NT5DC3: variants seen among roughly 807,000 people sequenced by gnomAD.
The protein encoded by NT5DC3 is 5'-nucleotidase domain containing 3, also known as 5'-nucleotidase domain-containing protein 3.
In NT5DC3, 42 loss-of-function variants were observed where a neutral mutation model predicts 67.8. The observed-to-expected ratio is 0.62, with a 90% CI of 0.48 to 0.80. NT5DC3 has a LOEUF of 0.80. Ranked by LOEUF, NT5DC3 falls within the 30% of genes least tolerant of loss-of-function variation. NT5DC3 has a pLI of 0.00. For synonymous variants in NT5DC3, 237 were observed against 255.6 expected, an observed-to-expected ratio of 0.93 and a Z score of 0.69; for missense variants, 570 against 696.4, an observed-to-expected ratio of 0.82 and a Z score of 2.04.
At chr12:103,758,247 C>T in the NT5DC3 span, 1 of 1,614,136 alleles carries the variant, frequency 6.2e-7, no homozygotes, top group Non-Finnish European at 8.5e-7. Context: ...CCATCCGCGG[C>T]ACCCTCTTTG....
the NT5DC3 span, among the ~76,000 whole-genome samples, chr12:103,762,837 C>T: frequency 6.6e-6 from 1 of 152,240 alleles, no homozygotes; most frequent in Non-Finnish European, 1.5e-5. Flanking sequence ...ATGCTGCAGC[C>T]AGTGACACTC....
the NT5DC3 span, chr12:103,758,277 G>C: frequency 3.1e-6 from 5 of 1,613,532 alleles, no homozygotes; most frequent in Admixed American, 6.7e-5. Context: ...ACAGTGGGCT[G>C]GGGGAGAATG....
chr12:103,767,355 A>AAAT (rs745917492), downstream of NT5DC3, among the ~76,000 whole-genome samples: 1 of 152,246 alleles, frequency 6.6e-6, no homozygotes, highest in Non-Finnish European at 1.5e-5. Flanking sequence ...GAAATGGCTA[A>AAAT]AATAGGCAAA....
chr12:103,808,361 G>T (rs1334161166), intron 2 of NT5DC3, among the ~76,000 whole-genome samples: 1 of 152,224 alleles, frequency 6.6e-6, no homozygotes, highest in African/African-American at 2.4e-5. Context: ...CCTGAGTCTA[G>T]AGAGGCAACA....
Position 103,817,339 on chromosome 12 carries a change from A to G in NT5DC3, c.209-2218T>C, listed in dbSNP as rs1887306438. ...TTATGACAAAAACACAGACTATCCT[A>G]TTTTGCTAAAATTATATATGACAGT... is the stretch of plus-strand genomic sequence containing the variant. On this transcript the variant is annotated intron_variant, in intron 1 of 13. Coordinates refer to ENST00000392876, the MANE Select transcript of NT5DC3 (RefSeq NM_001031701.3). Among the ~76,000 whole-genome samples the G allele has an allele frequency of 1.3e-5, 2 of 152,192 alleles. 1 individual carries two copies. Among genetic ancestry groups the G allele is most frequent in the African/African-American group, 4.8e-5 (2 of 41,440 alleles).
Position 103,787,423 on chromosome 12 carries a change from GA to G in NT5DC3, c.1188+17del, listed in dbSNP as rs1376057231. 1.1e-5 allele frequency: 16 copies of G among 1,433,922 alleles called. No homozygotes were observed. Among genetic ancestry groups the G allele is most frequent in the South Asian group, 7.3e-5 (5 of 68,370 alleles). The allele number at this position is 1,433,922 out of a possible 1,614,324, so 88.8% of individuals were successfully genotyped here. ...CTAACACATCTGTCCCCCAACAAAG[GA>G]AAAAAGGGCCCCTCACCGCCAGGTC... On this transcript the variant is annotated intron_variant, in intron 11 of 13. Transcript: ENST00000392876.
intron 1 of NT5DC3, among the ~76,000 whole-genome samples, chr12:103,837,165 T>A (rs902542071): frequency 6.6e-6 from 1 of 152,038 alleles, no homozygotes; most frequent in African/African-American, 2.4e-5. Flanking sequence ...AGGCTTGGGG[T>A]TTCCACCCTC....
chr12:103,787,611 ATTG>A (rs143184388), intron 10 of NT5DC3, 84 bp from the exon 11 acceptor site: 67,732 of 682,366 alleles, frequency 0.099, 5,083 homozygotes, highest in East Asian at 0.31. Context: ...ACTTTTAAAA[ATTG>A]TTGTTTTTAT....
intron 9 of NT5DC3, among the ~76,000 whole-genome samples, chr12:103,792,159 C>T (rs939608780): frequency 6.6e-6 from 1 of 152,188 alleles, no homozygotes. Context: ...TGACTCCAGC[C>T]GCCAGTCAGT....
At chr12:103,808,482 G>C (rs1886895932) in intron 2 of NT5DC3, among the ~76,000 whole-genome samples, 2 of 152,226 alleles carry the variant, frequency 1.3e-5, no homozygotes, top group African/African-American at 4.8e-5. Context: ...TTCATAGCCA[G>C]GGTTCCATTT....
At chr12:103,756,996 A>AAAAAAAATATAT in the NT5DC3 span, among the ~76,000 whole-genome samples, 1 of 56,380 alleles carries the variant, frequency 1.8e-5, no homozygotes, top group African/African-American at 1.0e-4. Context: ...AAGGAGGGAA[A>AAAAAAAATATAT]ATATATATAT....
At chr12:103,789,017 C>A (rs566206120) in intron 9 of NT5DC3, 98 bp from the exon 10 acceptor site, 97 of 826,646 alleles carry the variant, frequency 1.2e-4, no homozygotes, top group African/African-American at 8.5e-4. Context: ...TAGCTCCCTG[C>A]AAAAACCTAA....
the NT5DC3 span, among the ~76,000 whole-genome samples, chr12:103,751,443 T>C: frequency 1.3e-5 from 2 of 152,140 alleles, no homozygotes; most frequent in African/African-American, 4.8e-5. Flanking sequence ...GGCTCAGCCA[T>C]GACATAAAGT....
intron 9 of NT5DC3, chr12:103,789,154 T>A (rs1885928264): frequency 1.1e-5 from 5 of 460,946 alleles, no homozygotes; most frequent in Non-Finnish European, 2.0e-5. Context: ...CTGGGCGCAG[T>A]AGCTCACTCT....
chr12:103,762,155 T>C, the NT5DC3 span: 1 of 1,388,994 alleles, frequency 7.2e-7, no homozygotes. Context: ...GCCAGATACA[T>C]GTTAACATGT....
At chr12:103,804,099 T>A (rs565364320) in intron 4 of NT5DC3, among the ~76,000 whole-genome samples, 1 of 152,258 alleles carries the variant, frequency 6.6e-6, no homozygotes, top group African/African-American at 2.4e-5. Flanking sequence ...AAAACCCTTA[T>A]AACAGTGCCT....
the NT5DC3 span, among the ~76,000 whole-genome samples, chr12:103,756,584 C>G: frequency 5.9e-5 from 9 of 152,188 alleles, no homozygotes; most frequent in South Asian, 8.3e-4. Flanking sequence ...AAGGACACAG[C>G]CTAACTCATC....
At chr12:103,754,130 C>G in the NT5DC3 span, among the ~76,000 whole-genome samples, 27 of 152,080 alleles carry the variant, frequency 1.8e-4, no homozygotes, top group Non-Finnish European at 3.7e-4. Context: ...CAAATCTCTA[C>G]TTTTTCAGAC....
At chr12:103,747,418 C>T in the NT5DC3 span, among the ~76,000 whole-genome samples, 9 of 152,188 alleles carry the variant, frequency 5.9e-5, no homozygotes, top group Admixed American at 2.0e-4. Context: ...GGCTGAACTC[C>T]TTTTCTGAAC....
Sources: gnomAD v4.1 joint callset for allele counts (sites outside exome capture counted in the v4.1 genomes callset) on GRCh38, gnomAD v4.1.1 for gene constraint, MANE v1.5 for transcripts, NCBI Gene and HGNC (gene_info 2026-07-23, HGNC 2026-07-21) for gene names.